KCNT2: variants seen among roughly 807,000 people sequenced by gnomAD.
The protein encoded by KCNT2 is potassium sodium-activated channel subfamily T member 2, also known as potassium channel subfamily T member 2.
A neutral mutation model predicts 153.8 loss-of-function variants in KCNT2; 67 were observed. That is an observed-to-expected ratio of 0.44 (90% CI 0.36 to 0.53). KCNT2 has a LOEUF of 0.53. KCNT2 is among the 20% of genes least tolerant of loss of function. The pLI, the probability that KCNT2 is intolerant of heterozygous loss-of-function variation, is 0.00. For missense variants in KCNT2, 975 were observed against 1,354.8 expected, an observed-to-expected ratio of 0.72 and a Z score of 4.40; for synonymous variants, 500 against 458.8, an observed-to-expected ratio of 1.09 and a Z score of -1.15.
intron 8 of KCNT2, among the ~76,000 whole-genome samples, chr1:196,451,410 T>C (rs1380825288): frequency 1.0e-3 from 11 of 10,736 alleles, no homozygotes; most frequent in Admixed American, 7.0e-3. Context: ...CCAACACATT[T>C]TTTTTTTTTT....
At chr1:196,455,236 T>C (rs776807855) in intron 8 of KCNT2, among the ~76,000 whole-genome samples, 1 of 152,010 alleles carries the variant, frequency 6.6e-6, no homozygotes, top group Admixed American at 6.6e-5. Context: ...TCTCCCCTAA[T>C]TACATCTTTG....
chr1:196,433,937 C>G lies in KCNT2; in HGVS notation c.639-4180G>C, dbSNP rs181807890. On this transcript the variant is annotated intron_variant, in intron 8 of 27. Transcript: ENST00000294725. ...TACATGTCATCATTATAATTGTTTACAACTGTTGTGTGTGTTTATTTGCTT... is the reference window on the plus strand; with the variant it reads ...TACATGTCATCATTATAATTGTTTAGAACTGTTGTGTGTGTTTATTTGCTT... Among the ~76,000 whole-genome samples, 51 of 152,140 alleles carry G rather than the reference C, an allele frequency of 3.4e-4. No homozygotes were observed. In the East Asian group the frequency reaches 9.9e-3, roughly 29 times the overall value.
At chr1:196,519,715 C>T (rs959107270) in intron 1 of KCNT2, among the ~76,000 whole-genome samples, 1 of 152,030 alleles carries the variant, frequency 6.6e-6, no homozygotes. Flanking sequence ...AATTCCTGAA[C>T]ACATACACCC....
rs992135262 is a variant in KCNT2 at position 196,342,311 on chromosome 1, T to C, written c.1404-83A>G. ...TTAAAAAACAGTTGTTATAGAACTG[T>C]TTCTCAACTGTGTAAGAACTGGCAA... On this transcript the variant is annotated intron_variant, in intron 14 of 27. Transcript: ENST00000294725. 7.4e-5 allele frequency: 91 copies of C among 1,231,070 alleles called. No homozygotes were observed. In the African/African-American group the frequency reaches 1.3e-3, roughly 17 times the overall value. 76.3% of individuals were successfully genotyped at this position (1,231,070 alleles called of 1,614,324 possible). A position where few individuals can be genotyped will look rare whatever the true frequency, so the allele number is the denominator to read the frequency against.
intron 26 of KCNT2, among the ~76,000 whole-genome samples, chr1:196,251,096 A>T (rs1324134955): frequency 6.6e-6 from 1 of 152,108 alleles, no homozygotes; most frequent in Non-Finnish European, 1.5e-5. Context: ...CATAACTACC[A>T]TATGATCCAG....
At chr1:196,397,249 A>G (rs1174047077) in intron 13 of KCNT2, among the ~76,000 whole-genome samples, 1 of 151,412 alleles carries the variant, frequency 6.6e-6, no homozygotes, top group East Asian at 1.9e-4. Context: ...AGTCATCACC[A>G]TATATATTTA....
In KCNT2 at chr1:196,226,940, C is replaced by G. The variant is rs1007413710; in HGVS notation, c.*1284G>C. 2.6e-5 allele frequency: 4 copies of G among 151,954 alleles called. No homozygotes were observed. The highest frequency in any genetic ancestry group is 1.3e-4 in the Admixed American group (2 of 15,268). 9.4% of individuals were successfully genotyped at this position (151,954 alleles called of 1,614,324 possible). On this transcript the variant is annotated 3_prime_UTR_variant, in exon 28 of 28. Coordinates refer to ENST00000294725, the MANE Select transcript of KCNT2 (RefSeq NM_198503.5). ...TAACACACTTCTACTACCTGGTAAA[C>G]TATGTACGCATACTCTTGTGCTCTT...
Position 196,276,570 on chromosome 1 carries a change from G to T in KCNT2, c.2910+4290C>A, listed in dbSNP as rs186566469. 4.5e-3 allele frequency among the ~76,000 whole-genome samples: 678 copies of T among 151,714 alleles called. 3 individuals are homozygous for T. Among genetic ancestry groups the T allele is most frequent in the South Asian group, 0.023 (108 of 4,792 alleles). On this transcript the variant is annotated intron_variant, in intron 25 of 27. Coordinates refer to ENST00000294725, the MANE Select transcript of KCNT2 (RefSeq NM_198503.5). Reference sequence around the variant, plus strand: ...TGATCCTCTTTACTTCATTCTTGTCGCTGGTTTCCATAAAACGTCTGGTTT... The same window carrying T: ...TGATCCTCTTTACTTCATTCTTGTCTCTGGTTTCCATAAAACGTCTGGTTT...
chr1:196,480,897 G>A (rs1458740738), intron 4 of KCNT2, among the ~76,000 whole-genome samples: 2 of 132,620 alleles, frequency 1.5e-5, no homozygotes, highest in African/African-American at 5.5e-5. Flanking sequence ...AGCATCGTTA[G>A]TATTTTCAAA....
At chr1:196,567,822 C>T (rs1331665176) in intron 1 of KCNT2, among the ~76,000 whole-genome samples, 8 of 152,218 alleles carry the variant, frequency 5.3e-5, no homozygotes, top group Admixed American at 5.2e-4. Context: ...ACAGCATTTA[C>T]ATCTCTAACT....
At chr1:196,417,247 T>C (rs1672830387) in intron 12 of KCNT2, among the ~76,000 whole-genome samples, 1 of 152,120 alleles carries the variant, frequency 6.6e-6, no homozygotes, top group Non-Finnish European at 1.5e-5. Flanking sequence ...ATGTTTATAC[T>C]GACATCTCAA....
At chr1:196,522,699 A>G (rs1223503067) in intron 1 of KCNT2, among the ~76,000 whole-genome samples, 2 of 152,168 alleles carry the variant, frequency 1.3e-5, no homozygotes, top group Non-Finnish European at 2.9e-5. Context: ...TTGTGAATGC[A>G]CCAGTCAGCA....
intron 22 of KCNT2, among the ~76,000 whole-genome samples, chr1:196,300,763 A>G (rs1241901583): frequency 1.3e-5 from 2 of 152,014 alleles, no homozygotes; most frequent in African/African-American, 4.8e-5. Flanking sequence ...CATTTGTTAT[A>G]TTTTTCTCTT....
chr1:196,381,406 C>T (rs1325362541), intron 13 of KCNT2, among the ~76,000 whole-genome samples: 2 of 151,838 alleles, frequency 1.3e-5, no homozygotes, highest in Non-Finnish European at 2.9e-5. Context: ...CTTACTGAAG[C>T]TTCTTTTTAG....
chr1:196,514,353 C>T (rs76714247), intron 1 of KCNT2, among the ~76,000 whole-genome samples: 4,652 of 152,118 alleles, frequency 0.031, 246 homozygotes, highest in African/African-American at 0.11. Context: ...TTTCAGTCAT[C>T]CCTTCTTTTT....
chr1:196,364,547 A>G (rs995573435), intron 14 of KCNT2, among the ~76,000 whole-genome samples: 3 of 152,144 alleles, frequency 2.0e-5, no homozygotes, highest in Non-Finnish European at 2.9e-5. Flanking sequence ...CTGGTGAAAT[A>G]GTTTTTTGAG....
chr1:196,441,792 T>C (rs1675256701), intron 8 of KCNT2, among the ~76,000 whole-genome samples: 1 of 151,792 alleles, frequency 6.6e-6, no homozygotes. Context: ...TTTAATCATG[T>C]AGTGTGTTGT....
chr1:196,435,154 T>TC (rs1553326087), intron 8 of KCNT2, among the ~76,000 whole-genome samples: 1 of 110,562 alleles, frequency 9.0e-6, no homozygotes, highest in African/African-American at 3.0e-5. Flanking sequence ...TATATATATA[T>TC]ATATATATAT....
At chr1:196,549,879 GA>G (rs1366293167) in intron 1 of KCNT2, among the ~76,000 whole-genome samples, 2 of 151,880 alleles carry the variant, frequency 1.3e-5, no homozygotes, top group African/African-American at 4.8e-5. Context: ...AGTTCAGTAG[GA>G]AATCTCATGG....
Sources: gnomAD v4.1 joint callset for allele counts (sites outside exome capture counted in the v4.1 genomes callset) on GRCh38, gnomAD v4.1.1 for gene constraint, MANE v1.5 for transcripts, NCBI Gene and HGNC (gene_info 2026-07-23, HGNC 2026-07-21) for gene names.